The following FRMPD4 variants were observed in gnomAD, a reference collection of about 807,000 sequenced individuals.
The protein encoded by FRMPD4 is FERM and PDZ domain-containing protein 4.
In FRMPD4, 22 loss-of-function variants were observed where a neutral mutation model predicts 94.1. That is an observed-to-expected ratio of 0.23 (90% CI 0.17 to 0.33). The LOEUF (loss-of-function observed/expected upper bound fraction) is 0.33. Ranked by LOEUF, FRMPD4 falls within the 10% of genes least tolerant of loss-of-function variation. FRMPD4 has a pLI of 1.00. For synonymous variants in FRMPD4, 631 were observed against 548.6 expected (o/e 1.15, Z -2.10); for missense variants, 1,111 against 1,339.9 (o/e 0.83, Z 2.67).
At chrX:12,550,623 T>C (rs2058524851) in intron 2 of FRMPD4, among the ~76,000 whole-genome samples, 1 of 111,239 alleles carries the variant, frequency 9.0e-6, no homozygotes. Context: ...AGAGTATCCA[T>C]TTTCTGAGCC....
intron 2 of FRMPD4, among the ~76,000 whole-genome samples, chrX:12,566,431 C>T: frequency 9.0e-6 from 1 of 111,023 alleles, no homozygotes; most frequent in East Asian, 2.8e-4. Flanking sequence ...CATGACTGCC[C>T]CCTGAGTACT....
At chrX:12,672,013 T>C (rs1448200898) in intron 4 of FRMPD4, among the ~76,000 whole-genome samples, 1 of 112,025 alleles carries the variant, frequency 8.9e-6, no homozygotes, top group Non-Finnish European at 1.9e-5. Flanking sequence ...AAATTCCTCC[T>C]TTTTGCCTAG....
chrX:11,962,368 C>G (rs1255850197), intron 3 of FRMPD4, among the ~76,000 whole-genome samples: 2 of 111,742 alleles, frequency 1.8e-5, no homozygotes, highest in Non-Finnish European at 3.8e-5. Flanking sequence ...AGGATGCTCC[C>G]TTCAATGTCT....
rs905063682 is a variant in FRMPD4, at chrX:12,278,475, CT to C, written c.41+139469del. Reference sequence around the variant, plus strand: ...TTATTAAGCCCATTCAGTCTGAAAGCTTTTTTCTCATCCAGCCAGCAAAACA... The same window carrying C: ...TTATTAAGCCCATTCAGTCTGAAAGCTTTTTCTCATCCAGCCAGCAAAACA... On this transcript the variant is annotated intron_variant, in intron 1 of 16. Coordinates refer to ENST00000675598, the MANE Select transcript of FRMPD4 (RefSeq NM_001368397.1). 3.4e-4 allele frequency among the ~76,000 whole-genome samples: 38 copies of C among 112,243 alleles called. 2 individuals are homozygous for C. Among genetic ancestry groups the C allele is most frequent in the Admixed American group, 2.8e-3 (30 of 10,620 alleles).
chrX:12,252,693 AAATT>A (rs1233338973), intron 1 of FRMPD4, among the ~76,000 whole-genome samples: 1 of 111,823 alleles, frequency 8.9e-6, no homozygotes, highest in Non-Finnish European at 1.9e-5. Flanking sequence ...ACTTCCAAAT[AAATT>A]AAGATCAGAC....
chrX:12,505,770 C>T (rs893237889), intron 2 of FRMPD4, among the ~76,000 whole-genome samples: 13 of 101,869 alleles, frequency 1.3e-4, no homozygotes, highest in Non-Finnish European at 5.9e-5. Flanking sequence ...GCAACTGAGA[C>T]GGGAGGGCTG....
chrX:12,716,225 C>A lies in FRMPD4; in HGVS notation c.1766C>A (p.Pro589Gln). The change falls in exon 15 of 17, where the codon CCA becomes CAA. Residue 589 changes from proline to glutamine, a missense_variant. Physicochemically the swap from Pro to Gln is moderately conservative, Grantham distance 76 (BLOSUM62 -1). Transcript: ENST00000675598. ...TVEITDSTMC[P>Q]KEHRHLYIDN... ...GAGATCACAGACAGCACCATGTGTC[C>A]AAAAGAGCACCGGCACTTGTACATA... 4.1e-6 allele frequency: 5 copies of A among 1,209,643 alleles called. No homozygotes were observed. The highest frequency in any genetic ancestry group is 5.6e-6 in the Non-Finnish European group (5 of 893,975).
At chrX:12,039,926 A>G (rs1333736318) in intron 3 of FRMPD4, among the ~76,000 whole-genome samples, 10 of 102,344 alleles carry the variant, frequency 9.8e-5, no homozygotes, top group African/African-American at 1.4e-4. Flanking sequence ...CTGATATCAC[A>G]CCATTGCACT....
chrX:11,906,081 A>G (rs1206772404), intron 3 of FRMPD4, among the ~76,000 whole-genome samples: 1 of 110,527 alleles, frequency 9.0e-6, no homozygotes, highest in Non-Finnish European at 1.9e-5. Flanking sequence ...TGCCTTTTCT[A>G]GCATGTGAAA....
At position 12,106,097 on chromosome X, in the gene FRMPD4, C is replaced by T. The variant is rs185509342; in HGVS notation, c.95+228079C>T. Among the ~76,000 whole-genome samples the T allele has an allele frequency of 3.1e-3, 344 of 111,543 alleles. 1 individual carries two copies. The highest frequency in any genetic ancestry group is 4.2e-3 in the Non-Finnish European group (223 of 53,095). Reference sequence around the variant, plus strand: ...CTTCAAAGCAGAAAGGGAGGACCTGCGATAACAGATCAATAAATGAAGGAG... The same window carrying T: ...CTTCAAAGCAGAAAGGGAGGACCTGTGATAACAGATCAATAAATGAAGGAG... On this transcript the variant is annotated intron_variant, in intron 3 of 18. Coordinates refer to the FRMPD4 transcript ENST00000640291.
chrX:12,524,482 A>G (rs1184299655), intron 2 of FRMPD4, among the ~76,000 whole-genome samples: 7 of 111,853 alleles, frequency 6.3e-5, no homozygotes, highest in East Asian at 2.8e-4. Context: ...TGCTAAGAAC[A>G]GGAAGCACTC....
intron 3 of FRMPD4, among the ~76,000 whole-genome samples, chrX:11,927,005 G>T (rs1221642207): frequency 9.0e-6 from 1 of 111,384 alleles, no homozygotes; most frequent in Non-Finnish European, 1.9e-5. Flanking sequence ...AAACCCCATA[G>T]TCTCAGCCCA....
At chrX:12,176,302 C>A (rs2056294111) in intron 1 of FRMPD4, among the ~76,000 whole-genome samples, 1 of 111,759 alleles carries the variant, frequency 8.9e-6, no homozygotes. Flanking sequence ...AATATAATTT[C>A]TCTCACTCAG....
intron 3 of FRMPD4, among the ~76,000 whole-genome samples, chrX:11,947,997 G>A (rs2054198677): frequency 9.4e-6 from 1 of 106,728 alleles, no homozygotes; most frequent in South Asian, 4.3e-4. Context: ...AGCTGAGGCA[G>A]GAGAATTGCT....
intron 16 of FRMPD4, among the ~76,000 whole-genome samples, chrX:12,719,032 G>A (rs1178004810): frequency 8.9e-6 from 1 of 112,092 alleles, no homozygotes; most frequent in East Asian, 2.8e-4. Flanking sequence ...GAATTGGATG[G>A]GGCAATATGT....
intron 1 of FRMPD4, among the ~76,000 whole-genome samples, chrX:12,299,338 G>A (rs1321666512): frequency 2.7e-5 from 3 of 110,125 alleles, no homozygotes; most frequent in Non-Finnish European, 5.7e-5. Flanking sequence ...AGAAGAAGAC[G>A]AAGAAGAAGA....
chrX:12,393,309 A>C (rs1312799892), intron 1 of FRMPD4, among the ~76,000 whole-genome samples: 1 of 112,294 alleles, frequency 8.9e-6, no homozygotes. Flanking sequence ...CTGTTACTTC[A>C]GGGAGAAAGA....
chrX:12,002,870 A>G (rs1035311909), intron 3 of FRMPD4, among the ~76,000 whole-genome samples: 1 of 111,616 alleles, frequency 9.0e-6, no homozygotes, highest in African/African-American at 3.3e-5. Flanking sequence ...ACATTAATAT[A>G]TACTTACTAA....
At chrX:12,128,232 G>A (rs2055517917) in intron 3 of FRMPD4, among the ~76,000 whole-genome samples, 1 of 113,223 alleles carries the variant, frequency 8.8e-6, no homozygotes, top group Admixed American at 9.2e-5. Context: ...GGACATCCTG[G>A]CATTTCCATA....
Sources: gnomAD v4.1 joint callset for allele counts (sites outside exome capture counted in the v4.1 genomes callset) on GRCh38, gnomAD v4.1.1 for gene constraint, MANE v1.5 for transcripts, NCBI Gene and HGNC (gene_info 2026-07-23, HGNC 2026-07-21) for gene names.